PDE7B: variants seen among roughly 807,000 people sequenced by gnomAD.
PDE7B encodes the protein phosphodiesterase 7B.
Under a neutral mutation model 56.2 loss-of-function variants are expected in PDE7B, and 29 were observed. That is an observed-to-expected ratio of 0.52 (90% confidence interval 0.38 to 0.70). The LOEUF is 0.70. PDE7B is among the 30% of genes least tolerant of loss of function. The pLI is 0.00. For missense variants in PDE7B, 490 were observed against 565.0 expected (o/e 0.87, Z 1.35); for synonymous variants, 197 against 196.9 (o/e 1.00, Z 0.00).
intron 3 of PDE7B, among the ~76,000 whole-genome samples, chr6:136,136,394 G>T (rs1778211842): frequency 6.6e-6 from 1 of 151,984 alleles, no homozygotes; most frequent in South Asian, 2.1e-4. Flanking sequence ...CAGAAATCTG[G>T]TCTCCAAAAC....
At chr6:136,139,392 C>T (rs992693945) in intron 3 of PDE7B, among the ~76,000 whole-genome samples, 1 of 152,060 alleles carries the variant, frequency 6.6e-6, no homozygotes, top group African/African-American at 2.4e-5. Flanking sequence ...GGGTTGGTTC[C>T]AAGTCTTTGC....
intron 2 of PDE7B, among the ~76,000 whole-genome samples, chr6:135,982,407 T>C (rs1775312337): frequency 6.6e-6 from 1 of 152,146 alleles, no homozygotes; most frequent in Non-Finnish European, 1.5e-5. Flanking sequence ...TCTCTCTCTC[T>C]TTCTGCTACT....
intron 2 of PDE7B, among the ~76,000 whole-genome samples, chr6:135,983,938 C>T (rs1775337491): frequency 6.6e-6 from 1 of 152,248 alleles, no homozygotes; most frequent in African/African-American, 2.4e-5. Flanking sequence ...AAGCTGGGAG[C>T]ATGTATTCCC....
At chr6:136,007,985 C>G (rs77940626) in intron 2 of PDE7B, among the ~76,000 whole-genome samples, 1 of 144,726 alleles carries the variant, frequency 6.9e-6, no homozygotes, top group Non-Finnish European at 1.5e-5. Context: ...CCTCCCCCAT[C>G]CCCCCACCCC....
chr6:136,020,289 G>A (rs957116285), intron 2 of PDE7B, among the ~76,000 whole-genome samples: 33 of 152,110 alleles, frequency 2.2e-4, no homozygotes, highest in Middle Eastern at 3.4e-3. Context: ...TCCACCTTCC[G>A]GCTGACTTGA....
intron 2 of PDE7B, among the ~76,000 whole-genome samples, chr6:135,988,551 G>A (rs962359511): frequency 6.6e-6 from 1 of 152,130 alleles, no homozygotes; most frequent in African/African-American, 2.4e-5. Context: ...ATAGAAGAGA[G>A]AATATAAAGA....
intron 2 of PDE7B, among the ~76,000 whole-genome samples, chr6:135,959,331 G>T (rs1369287842): frequency 2.0e-5 from 3 of 152,110 alleles, no homozygotes; most frequent in Non-Finnish European, 4.4e-5. Flanking sequence ...TATAAGAAAA[G>T]AGTTACTATG....
chr6:136,059,803 A>G (rs1776805734), intron 2 of PDE7B, among the ~76,000 whole-genome samples: 1 of 152,224 alleles, frequency 6.6e-6, no homozygotes, highest in Non-Finnish European at 1.5e-5. Context: ...TTCCATAAGT[A>G]AAAGGCTAAT....
rs143728495 is a variant in PDE7B at position 136,018,797 on chromosome 6, C to T, written c.82+71273C>T. On this transcript the variant is annotated intron_variant, in intron 2 of 12. Transcript: ENST00000308191. ...ACATATATACATATCTATACATATA[C>T]GTGTGTGTGTTTGTGTGTGTGTCAA... Among the ~76,000 whole-genome samples, 129 of 151,624 alleles carry T rather than the reference C, an allele frequency of 8.5e-4. No homozygotes were observed. In the East Asian group the frequency reaches 0.021, roughly 24 times the overall value.
intron 1 of PDE7B, among the ~76,000 whole-genome samples, chr6:135,926,852 A>G (rs1468665814): frequency 6.6e-6 from 1 of 152,168 alleles, no homozygotes; most frequent in African/African-American, 2.4e-5. Flanking sequence ...CAAAGAAGAA[A>G]AATCAGCAGT....
chr6:136,075,424 T>C (rs1251526488), intron 2 of PDE7B, among the ~76,000 whole-genome samples: 1 of 152,180 alleles, frequency 6.6e-6, no homozygotes, highest in African/African-American at 2.4e-5. Context: ...ACGTAATGAA[T>C]GAGATGTTGT....
At chr6:135,874,976 T>C (rs770450122) in intron 1 of PDE7B, among the ~76,000 whole-genome samples, 2 of 152,110 alleles carry the variant, frequency 1.3e-5, no homozygotes, top group Non-Finnish European at 2.9e-5. Flanking sequence ...GTTACTTTTA[T>C]TTCTGCTAAG....
intron 2 of PDE7B, among the ~76,000 whole-genome samples, chr6:135,970,604 T>C (rs967755964): frequency 6.6e-6 from 1 of 152,162 alleles, no homozygotes; most frequent in African/African-American, 2.4e-5. Context: ...CCGGTATACA[T>C]TGTGAAGAGC....
intron 2 of PDE7B, among the ~76,000 whole-genome samples, chr6:136,077,291 C>G (rs1359601807): frequency 6.6e-6 from 1 of 152,102 alleles, no homozygotes; most frequent in Non-Finnish European, 1.5e-5. Context: ...ATTTCAAACA[C>G]ACAGAAGAGT....
At chr6:136,139,775 G>A (rs1445818343) in intron 3 of PDE7B, among the ~76,000 whole-genome samples, 3 of 152,212 alleles carry the variant, frequency 2.0e-5, no homozygotes, top group African/African-American at 7.2e-5. Flanking sequence ...CTTCTTTTGA[G>A]AAGTGTCTGT....
In PDE7B at chr6:136,003,422, T is replaced by C. The variant is rs145573730; in HGVS notation, c.82+55898T>C. On this transcript the variant is annotated intron_variant, in intron 2 of 12. Coordinates refer to ENST00000308191, the MANE Select transcript of PDE7B (RefSeq NM_018945.4). ...ATTAATGAATCCAGAAGCTGGTTTA[T>C]TGAAAGGATCAACAAAATCAGTAGA... is the stretch of plus-strand genomic sequence containing the variant. 1.7e-3 allele frequency among the ~76,000 whole-genome samples: 259 copies of C among 152,300 alleles called. 2 individuals are homozygous for C. In the East Asian group the frequency reaches 0.028, roughly 17 times the overall value.
intron 2 of PDE7B, among the ~76,000 whole-genome samples, chr6:135,963,497 TA>T (rs1017051270): frequency 1.3e-5 from 2 of 152,174 alleles, no homozygotes; most frequent in African/African-American, 2.4e-5. Flanking sequence ...CAAAACTCTA[TA>T]AAGAACTACA....
intron 2 of PDE7B, among the ~76,000 whole-genome samples, chr6:136,016,530 T>C (rs946383099): frequency 6.6e-6 from 1 of 152,230 alleles, no homozygotes; most frequent in African/African-American, 2.4e-5. Flanking sequence ...TGGAGAGGTT[T>C]TATTTTCATT....
Position 136,149,128 on chromosome 6 carries a change from C to CTT in PDE7B, c.361_362dup (p.Leu121PhefsTer6). On this transcript the variant is annotated frameshift_variant, in exon 5 of 13. Coordinates refer to ENST00000308191, the MANE Select transcript of PDE7B (RefSeq NM_018945.4). LOFTEE classifies it high-confidence loss of function. ...TGGGAATGTGGGATTTTGACATTTT[C>CTT]TTGTTTGATCGCTTGACAAATGGTA... 6.2e-7 allele frequency: 1 copy of CTT among 1,611,878 alleles called. No individual in the cohort carries two copies. Among genetic ancestry groups the CTT allele is most frequent in the African/African-American group, 1.3e-5 (1 of 74,976 alleles).
Sources: allele counts gnomAD v4.1 joint callset (sites outside exome capture counted in the v4.1 genomes callset), GRCh38; gene constraint gnomAD v4.1.1; transcripts MANE v1.5; gene names NCBI Gene and HGNC (gene_info 2026-07-23, HGNC 2026-07-21).